The following DIP2C variants were observed in gnomAD, a reference collection of about 807,000 sequenced individuals.
DIP2C encodes DIP2 acetate--CoA ligase C (putative), also known as disco-interacting protein 2 homolog C.
A neutral mutation model predicts 192.4 loss-of-function variants in DIP2C; 33 were observed. The observed-to-expected ratio is 0.17, with a 90% CI of 0.13 to 0.23. The LOEUF (loss-of-function observed/expected upper bound fraction) is 0.23, where lower values mean the gene tolerates loss of function less well. DIP2C is among the 10% of genes least tolerant of loss of function. The pLI, the probability that DIP2C is intolerant of heterozygous loss-of-function variation, is 1.00. For missense variants in DIP2C, 1,537 were observed against 2,110.1 expected, an observed-to-expected ratio of 0.73 and a Z score of 5.32; for synonymous variants, 979 against 864.1, an observed-to-expected ratio of 1.13 and a Z score of -2.33.
At chr10:451,866 A>G (rs1968876643) in intron 3 of DIP2C, among the ~76,000 whole-genome samples, 1 of 152,204 alleles carries the variant, frequency 6.6e-6, no homozygotes, top group African/African-American at 2.4e-5. Flanking sequence ...GTTTTTTTCC[A>G]TAAAGGCAAA....
intron 2 of DIP2C, among the ~76,000 whole-genome samples, chr10:478,626 A>G (rs1370638693): frequency 3.2e-5 from 4 of 124,864 alleles, no homozygotes; most frequent in African/African-American, 1.3e-4. Flanking sequence ...CCAAATTCCC[A>G]TCTTATTCTC....
intron 3 of DIP2C, among the ~76,000 whole-genome samples, chr10:462,097 C>A (rs1969830365): frequency 6.6e-6 from 1 of 151,988 alleles, no homozygotes; most frequent in African/African-American, 2.4e-5. Flanking sequence ...AAAATCGATA[C>A]CCTAACATCA....
intron 1 of DIP2C, among the ~76,000 whole-genome samples, chr10:619,524 A>AGGGCCAGGG (rs533671871): frequency 5.9e-5 from 4 of 68,172 alleles, no homozygotes; most frequent in African/African-American, 3.5e-4. Flanking sequence ...CAGGGCCAGG[A>AGGGCCAGGG]CCAAGCCCGC....
chr10:561,834 TTCC>T (rs779611150), intron 1 of DIP2C, among the ~76,000 whole-genome samples: 2 of 152,198 alleles, frequency 1.3e-5, no homozygotes, highest in East Asian at 3.9e-4. Context: ...AATACACTTT[TTCC>T]TCCTTAGATA....
chr10:519,877 T>G (rs1210828803), intron 1 of DIP2C, among the ~76,000 whole-genome samples: 3 of 151,272 alleles, frequency 2.0e-5, no homozygotes, highest in Non-Finnish European at 2.9e-5. Flanking sequence ...GGGGCCAGTA[T>G]GGCCACAAGG....
chr10:362,603 T>C lies in DIP2C; in HGVS notation c.2681A>G (p.His894Arg). The change falls in exon 22 of 37, where the codon CAT (histidine) becomes CGT (arginine). Residue 894 changes from histidine to arginine, a missense_variant. His to Arg is a conservative substitution (Grantham distance 29, BLOSUM62 0). Transcript: ENST00000280886. ...TLPKTPLGGI[H>R]LSETKQLFLE... ...AAAAAGCTGTTTTGTTTCTGATAAA[T>C]GGATCCCACCAAGCGGGGTTTTGGG... 6.2e-7 allele frequency: 1 copy of C among 1,614,134 alleles called. No individual in the cohort carries two copies. Among genetic ancestry groups the C allele is most frequent in the Non-Finnish European group, 8.5e-7 (1 of 1,180,024 alleles).
At chr10:397,386 C>T (rs556337241) in intron 10 of DIP2C, among the ~76,000 whole-genome samples, 393 of 152,232 alleles carry the variant, frequency 2.6e-3, no homozygotes, top group Non-Finnish European at 5.1e-3. Flanking sequence ...AAAAATTAGC[C>T]GGGTGTGGTG....
intron 1 of DIP2C, among the ~76,000 whole-genome samples, chr10:624,842 G>C (rs1226439142): frequency 6.6e-6 from 1 of 152,154 alleles, no homozygotes; most frequent in Non-Finnish European, 1.5e-5. Context: ...CGGAAGCTGT[G>C]AAGACGGAGG....
chr10:388,323 C>T (rs755884609), intron 13 of DIP2C, among the ~76,000 whole-genome samples: 4 of 152,130 alleles, frequency 2.6e-5, no homozygotes, highest in African/African-American at 4.8e-5. Context: ...TGGGGGAGGG[C>T]TCTAAAAAGG....
intron 6 of DIP2C, among the ~76,000 whole-genome samples, chr10:417,333 C>T (rs185248552): frequency 2.6e-4 from 40 of 152,132 alleles, no homozygotes; most frequent in East Asian, 3.9e-4. Flanking sequence ...CAACACACCA[C>T]GCAGGATTTA....
At chr10:482,457 G>A (rs990606430) in intron 2 of DIP2C, among the ~76,000 whole-genome samples, 14 of 152,182 alleles carry the variant, frequency 9.2e-5, no homozygotes, top group Non-Finnish European at 1.0e-4. Flanking sequence ...GGCCGCTCAC[G>A]TGACCTCATG....
intron 17 of DIP2C, among the ~76,000 whole-genome samples, chr10:380,840 T>C (rs988000223): frequency 2.6e-5 from 4 of 152,166 alleles, no homozygotes; most frequent in Non-Finnish European, 5.9e-5. Flanking sequence ...CACTCCTACA[T>C]GGGAAATTCA....
At chr10:495,440 G>A (rs1844758446) in intron 1 of DIP2C, among the ~76,000 whole-genome samples, 1 of 152,040 alleles carries the variant, frequency 6.6e-6, no homozygotes, top group Non-Finnish European at 1.5e-5. Context: ...TGAGGAATGT[G>A]TTATTAATAG....
intron 1 of DIP2C, among the ~76,000 whole-genome samples, chr10:563,629 CAA>C (rs1270321955): frequency 6.6e-6 from 1 of 152,050 alleles, no homozygotes; most frequent in Non-Finnish European, 1.5e-5. Context: ...AAAAAGAAAC[CAA>C]AGTTTCTGAG....
intron 1 of DIP2C, among the ~76,000 whole-genome samples, chr10:496,743 C>T (rs1376790742): frequency 6.6e-6 from 1 of 150,860 alleles, no homozygotes; most frequent in Non-Finnish European, 1.5e-5. Flanking sequence ...GGTGCCCTCC[C>T]ATGTACTTAA....
At chr10:295,697 GGTAGGAAT>G (rs1955721232) in intron 32 of DIP2C, among the ~76,000 whole-genome samples, 1 of 151,618 alleles carries the variant, frequency 6.6e-6, no homozygotes, top group Non-Finnish European at 1.5e-5. Flanking sequence ...ATACACTGTT[GGTAGGAAT>G]GTAAACTAAT....
intron 28 of DIP2C, among the ~76,000 whole-genome samples, chr10:342,902 A>G (rs775449093): frequency 6.6e-6 from 1 of 152,206 alleles, no homozygotes; most frequent in Non-Finnish European, 1.5e-5. Flanking sequence ...TATTAATAAG[A>G]TCAATTTTCT....
chr10:596,039 C>T (rs1210849435), intron 1 of DIP2C, among the ~76,000 whole-genome samples: 1 of 152,176 alleles, frequency 6.6e-6, no homozygotes, highest in Admixed American at 6.5e-5. Flanking sequence ...CTCAGACCCA[C>T]TAAGGCCTGT....
intron 33 of DIP2C, among the ~76,000 whole-genome samples, chr10:288,057 G>A (rs891391538): frequency 6.6e-6 from 1 of 152,160 alleles, no homozygotes; most frequent in Non-Finnish European, 1.5e-5. Flanking sequence ...TGGAGCGGAA[G>A]CAGCCGCTTC....
Sources: gnomAD v4.1 joint callset for allele counts (sites outside exome capture counted in the v4.1 genomes callset) on GRCh38, gnomAD v4.1.1 for gene constraint, MANE v1.5 for transcripts, NCBI Gene and HGNC (gene_info 2026-07-23, HGNC 2026-07-21) for gene names.